Variants in OPTN observed in about 807,000 individuals in gnomAD.
OPTN encodes optineurin, also known as E3-14.7K-interacting protein.
Under a neutral mutation model 70.4 loss-of-function variants are expected in OPTN, and 54 were observed. That is an observed-to-expected ratio of 0.77 (90% CI 0.62 to 0.96). The LOEUF (loss-of-function observed/expected upper bound fraction) is 0.96. Among genes scored for constraint, OPTN ranks in the 40% least tolerant of loss-of-function variants. The probability of loss-of-function intolerance (pLI) is 0.00; values close to 1 mark genes in which losing one functional copy is unlikely to be tolerated. For synonymous variants in OPTN, 256 were observed against 248.5 expected (o/e 1.03, Z -0.28); for missense variants, 624 against 673.2 (o/e 0.93, Z 0.81).
At position 13,137,820 on chromosome 10, in the gene OPTN, G is replaced by C. The variant is rs376803312; in HGVS notation, c.*954G>C. ...TTTCTTTACCCATTCACAGTGTAAA[G>C]AAGTTACCTTCATGCTTTCATTGTA... On this transcript the variant is annotated 3_prime_UTR_variant, in exon 15 of 15. Transcript: ENST00000378747. 8.8e-6 allele frequency: 2 copies of C among 227,768 alleles called. No individual in the cohort carries two copies. 14.1% of individuals were successfully genotyped at this position (227,768 alleles called of 1,614,324 possible). A position where few individuals can be genotyped will look rare whatever the true frequency, so the allele number is the denominator to read the frequency against.
intron 2 of OPTN, 116 bp from the exon 3 acceptor site, chr10:13,108,996 G>T: frequency 1.1e-6 from 1 of 917,358 alleles, no homozygotes; most frequent in African/African-American, 1.6e-5. Flanking sequence ...TAACTGGAGA[G>T]AAAGTGGGCA....
intron 5 of OPTN, among the ~76,000 whole-genome samples, chr10:13,114,896 TG>T: frequency 9.4e-6 from 1 of 106,668 alleles, no homozygotes; most frequent in Non-Finnish European, 1.7e-5. Flanking sequence ...CACTTACATA[TG>T]TATCTGTATT....
At chr10:13,115,476 T>TAG (rs1833170613) in intron 5 of OPTN, among the ~76,000 whole-genome samples, 1 of 101,942 alleles carries the variant, frequency 9.8e-6, no homozygotes, top group African/African-American at 5.3e-5. Context: ...ATAGAATATA[T>TAG]ATAATATATT....
At chr10:13,122,297 C>A in intron 7 of OPTN, 88 bp from the exon 8 acceptor site, 1 of 873,080 alleles carries the variant, frequency 1.1e-6, no homozygotes, top group South Asian at 1.4e-5. Context: ...CAATTGTAAA[C>A]AATGTTCTTT....
At chr10:13,128,310 CAG>C (rs1833512150) in intron 12 of OPTN, among the ~76,000 whole-genome samples, 1 of 152,200 alleles carries the variant, frequency 6.6e-6, no homozygotes, top group Admixed American at 6.5e-5. Flanking sequence ...CTCCCATCAA[CAG>C]AGAGTTTCCA....
Position 13,109,201 on chromosome 10 carries a change from C to G in OPTN, c.79C>G (p.Leu27Val). Residue 27 changes from leucine to valine, a missense_variant, in exon 3 of 15, where the codon CTG becomes GTG. By Grantham distance (32) the Leu-to-Val change is conservative (BLOSUM62 1). Transcript: ENST00000378747. ...SESTGNGPPH[L>V]AHPNLDTFTP... ...AAGCACAGGAAATGGACCCCCCCAC[C>G]TGGCCCACCCAAACCTGGACACGTT... 1 of 1,614,020 alleles carries G rather than the reference C, an allele frequency of 6.2e-7. No homozygotes were observed. The highest frequency in any genetic ancestry group is 8.5e-7 in the Non-Finnish European group (1 of 1,179,992).
chr10:13,135,765 C>T (rs973570273), intron 14 of OPTN, among the ~76,000 whole-genome samples: 1 of 152,136 alleles, frequency 6.6e-6, no homozygotes, highest in Non-Finnish European at 1.5e-5. Flanking sequence ...CTCCACATTC[C>T]CTTCCTCTTT....
At chr10:13,101,584 A>G (rs1832749467) in intron 1 of OPTN, among the ~76,000 whole-genome samples, 1 of 152,196 alleles carries the variant, frequency 6.6e-6, no homozygotes, top group Non-Finnish European at 1.5e-5. Context: ...TTTATGAAAT[A>G]GAAAACCCAA....
intron 9 of OPTN, 30 bp downstream of exon 9, chr10:13,124,140 T>A: frequency 7.9e-7 from 1 of 1,267,092 alleles, no homozygotes; most frequent in African/African-American, 1.5e-5. Flanking sequence ...TTTATCCTCC[T>A]TTGAAATATA....
In OPTN at chr10:13,119,038, A is replaced by T. The variant is rs532842754; in HGVS notation, c.777A>T (p.Glu259Asp). ...RLEVALKEAK[E>D]RVSDFEKKTS... Reference sequence around the variant, plus strand: ...AAGTTGCACTCAAGGAGGCCAAAGAAAGGTATGAAATAGGTTAACTTGAAA... The same window carrying T: ...AAGTTGCACTCAAGGAGGCCAAAGATAGGTATGAAATAGGTTAACTTGAAA... The change falls in exon 7 of 15, where the codon GAA becomes GAT. Residue 259 changes from glutamate to aspartate, a missense_variant and splice_region_variant. Physicochemically the swap from Glu to Asp is conservative, Grantham distance 45. Transcript: ENST00000378747. The T allele has an allele frequency of 1.4e-4, 230 of 1,614,022 alleles. 1 individual carries two copies. The South Asian group carries it at 2.4e-3, about 17-fold the overall frequency.
At chr10:13,130,165 A>T (rs1360372248) in intron 12 of OPTN, among the ~76,000 whole-genome samples, 1 of 152,050 alleles carries the variant, frequency 6.6e-6, no homozygotes, top group Non-Finnish European at 1.5e-5. Context: ...GGTGGCTCAC[A>T]CCTGTAATCC....
chr10:13,131,848 G>T (rs930471802), intron 12 of OPTN, among the ~76,000 whole-genome samples: 2 of 152,112 alleles, frequency 1.3e-5, no homozygotes, highest in Non-Finnish European at 2.9e-5. Context: ...GCAGTTGCAG[G>T]ATTTGTGTTG....
At chr10:13,115,486 T>A (rs1195672210) in intron 5 of OPTN, among the ~76,000 whole-genome samples, 3 of 102,836 alleles carry the variant, frequency 2.9e-5, no homozygotes, top group African/African-American at 5.2e-5. Flanking sequence ...TATAATATAT[T>A]CTATATTATA....
intron 5 of OPTN, among the ~76,000 whole-genome samples, chr10:13,115,456 A>T (rs531815330): frequency 0.014 from 1,428 of 100,756 alleles, 97 homozygotes; most frequent in African/African-American, 0.066. Context: ...TATATTCTAT[A>T]TTATATAATA....
At chr10:13,133,714 A>G in intron 14 of OPTN, 133 bp downstream of exon 14, 1 of 765,496 alleles carries the variant, frequency 1.3e-6, no homozygotes, top group East Asian at 2.7e-5. Context: ...CGTCAGTCTC[A>G]TTACCACAGC....
chr10:13,123,440 A>G (rs767752061), intron 8 of OPTN, among the ~76,000 whole-genome samples: 13 of 152,250 alleles, frequency 8.5e-5, no homozygotes, highest in Non-Finnish European at 1.5e-4. Flanking sequence ...AAGAGAGAAC[A>G]TTTAGAAAAC....
At chr10:13,114,838 T>TA (rs371709299) in intron 5 of OPTN, among the ~76,000 whole-genome samples, 12 of 50,994 alleles carry the variant, frequency 2.4e-4, no homozygotes, top group African/African-American at 3.9e-4. Flanking sequence ...AATTATATAA[T>TA]TATATAATTG....
rs1564365390 is a variant in OPTN at position 13,125,998 on chromosome 10, A to G, written c.1201A>G (p.Asn401Asp). Residue 401 changes from asparagine to aspartate, a missense_variant, in exon 11 of 15, where the codon AAT becomes GAT. Physicochemically the swap from Asn to Asp is conservative, Grantham distance 23. Coordinates refer to ENST00000378747, the MANE Select transcript of OPTN (RefSeq NM_001008212.2). Reference sequence around the variant, plus strand: ...ACACAACAAGCTTCTTCAAGAACATAATAATGCATTGAAAACAATTGAGGA... The same window carrying G: ...ACACAACAAGCTTCTTCAAGAACATGATAATGCATTGAAAACAATTGAGGA... Reference protein sequence around the residue: ...MTHNKLLQEHNNALKTIEELT... With the variant: ...MTHNKLLQEHDNALKTIEELT... 2 of 1,612,920 alleles carry G rather than the reference A, an allele frequency of 1.2e-6. No homozygotes were observed. Among genetic ancestry groups the G allele is most frequent in the Non-Finnish European group, 1.7e-6 (2 of 1,178,954 alleles).
intron 12 of OPTN, 83 bp from the exon 13 acceptor site, chr10:13,131,984 G>A: frequency 7.2e-7 from 1 of 1,393,262 alleles, no homozygotes; most frequent in South Asian, 1.2e-5. Context: ...GAAGGATACA[G>A]CACTACCTCC....
Sources: allele counts gnomAD v4.1 joint callset (sites outside exome capture counted in the v4.1 genomes callset), GRCh38; gene constraint gnomAD v4.1.1; transcripts MANE v1.5; gene names NCBI Gene and HGNC (gene_info 2026-07-23, HGNC 2026-07-21).